AGBL1: variants seen among roughly 807,000 people sequenced by gnomAD.
AGBL1 encodes cytosolic carboxypeptidase 4.
AGBL1 carries 130 observed loss-of-function variants against 118.9 expected under a neutral mutation model. That is an observed-to-expected ratio of 1.09 (90% CI 0.95 to 1.26). AGBL1 has a LOEUF of 1.26. Among genes scored for constraint, AGBL1 ranks in the 50% most tolerant of loss-of-function variants. The pLI is 0.00. For missense variants in AGBL1, 1,584 were observed against 1,298.1 expected (o/e 1.22, Z -3.38); for synonymous variants, 555 against 478.9 (o/e 1.16, Z -2.08).
At chr15:86,721,769 C>A (rs1006836809) in intron 22 of AGBL1, among the ~76,000 whole-genome samples, 1 of 152,136 alleles carries the variant, frequency 6.6e-6, no homozygotes, top group African/African-American at 2.4e-5. Context: ...ATTGTCTCAG[C>A]CCAAAATCTC....
At chr15:86,161,855 T>C (rs901268212) in intron 5 of AGBL1, among the ~76,000 whole-genome samples, 1 of 152,194 alleles carries the variant, frequency 6.6e-6, no homozygotes, top group African/African-American at 2.4e-5. Flanking sequence ...GGCGAGTCAT[T>C]TAACTTTTCT....
chr15:86,865,633 T>G (rs1396157759), intron 22 of AGBL1, among the ~76,000 whole-genome samples: 1 of 152,212 alleles, frequency 6.6e-6, no homozygotes, highest in Non-Finnish European at 1.5e-5. Flanking sequence ...TCTGCAGAGC[T>G]AATCGTTCCA....
At chr15:86,787,612 A>C (rs556777772) in intron 22 of AGBL1, among the ~76,000 whole-genome samples, 2 of 152,280 alleles carry the variant, frequency 1.3e-5, no homozygotes, top group East Asian at 3.9e-4. Flanking sequence ...ATGCTGGATA[A>C]TGTTCCTTTG....
intron 22 of AGBL1, among the ~76,000 whole-genome samples, chr15:86,820,599 A>G (rs139028949): frequency 9.2e-5 from 14 of 152,338 alleles, no homozygotes; most frequent in African/African-American, 3.4e-4. Context: ...CCATGTGGAC[A>G]TTAGAGAAAT....
intron 22 of AGBL1, among the ~76,000 whole-genome samples, chr15:86,736,116 C>T (rs1249910117): frequency 1.3e-5 from 2 of 152,138 alleles, no homozygotes; most frequent in Non-Finnish European, 2.9e-5. Context: ...GGCATGGTGA[C>T]TCTCGCCTAT....
intron 17 of AGBL1, among the ~76,000 whole-genome samples, chr15:86,368,684 A>G (rs2080927290): frequency 6.6e-6 from 1 of 152,222 alleles, no homozygotes; most frequent in Admixed American, 6.5e-5. Context: ...CTGTAAGCAC[A>G]GTTAGTAGAC....
intron 1 of AGBL1, among the ~76,000 whole-genome samples, chr15:86,083,148 T>G (rs1368426579): frequency 6.6e-6 from 1 of 152,164 alleles, no homozygotes; most frequent in South Asian, 2.1e-4. Context: ...CTACACTTTT[T>G]GTCAACCTGC....
chr15:86,465,562 A>G (rs553732244), intron 18 of AGBL1, among the ~76,000 whole-genome samples: 1 of 152,314 alleles, frequency 6.6e-6, no homozygotes, highest in Non-Finnish European at 1.5e-5. Flanking sequence ...TTTCTCAGCA[A>G]CGAATAACCT....
chr15:86,871,405 C>T (rs534075152), intron 22 of AGBL1, among the ~76,000 whole-genome samples: 1 of 152,260 alleles, frequency 6.6e-6, no homozygotes, highest in South Asian at 2.1e-4. Context: ...TGCCATGAGT[C>T]ATAGTTTTAT....
chr15:86,404,393 G>T (rs991541221), intron 18 of AGBL1, among the ~76,000 whole-genome samples: 1 of 152,136 alleles, frequency 6.6e-6, no homozygotes, highest in African/African-American at 2.4e-5. Flanking sequence ...TGGGACTTCT[G>T]TTCTATGGCT....
At chr15:86,331,340 G>A (rs1275882752) in intron 17 of AGBL1, among the ~76,000 whole-genome samples, 7 of 151,776 alleles carry the variant, frequency 4.6e-5, no homozygotes, top group Admixed American at 1.3e-4. Flanking sequence ...TCTCTCCTGA[G>A]AGAGAAGAAG....
At chr15:86,180,031 G>A (rs2077531308) in intron 5 of AGBL1, among the ~76,000 whole-genome samples, 2 of 148,812 alleles carry the variant, frequency 1.3e-5, no homozygotes, top group African/African-American at 4.8e-5. Context: ...ACAAAACAAT[G>A]TTGAAACAAA....
rs1315754259 is a variant in AGBL1 at position 86,495,997 on chromosome 15, G to A, written c.2556-26813G>A. On this transcript the variant is annotated intron_variant, in intron 18 of 22. Coordinates refer to ENST00000614907, the MANE Select transcript of AGBL1 (RefSeq NM_001386094.1). ...GTATTGCTACACCAGGTAAAAATAT[G>A]CCTATTGAGTCTTTTTTTTAAATTT... Among the ~76,000 whole-genome samples the A allele has an allele frequency of 4.6e-5, 7 of 151,806 alleles. No homozygotes were observed. In the East Asian group the frequency reaches 1.4e-3, roughly 30 times the overall value.
intron 21 of AGBL1, among the ~76,000 whole-genome samples, chr15:86,565,779 C>T (rs950317558): frequency 6.6e-6 from 1 of 152,194 alleles, no homozygotes; most frequent in Non-Finnish European, 1.5e-5. Context: ...TGGGCTCCAC[C>T]CAGTTTGAGC....
intron 22 of AGBL1, among the ~76,000 whole-genome samples, chr15:86,695,560 A>G (rs904119858): frequency 2.6e-5 from 4 of 151,558 alleles, no homozygotes; most frequent in Non-Finnish European, 5.9e-5. Flanking sequence ...TGTTTCATTT[A>G]TTTTTGTATT....
intron 22 of AGBL1, among the ~76,000 whole-genome samples, chr15:86,820,160 TAA>T (rs1223334519): frequency 6.6e-6 from 1 of 152,206 alleles, no homozygotes; most frequent in Non-Finnish European, 1.5e-5. Flanking sequence ...ATATAAGACT[TAA>T]ACATAAGACT....
intron 22 of AGBL1, among the ~76,000 whole-genome samples, chr15:86,895,527 A>G (rs1297079519): frequency 6.6e-6 from 1 of 152,068 alleles, no homozygotes; most frequent in African/African-American, 2.4e-5. Flanking sequence ...TTACTCATGC[A>G]AAAGAAATAA....
chr15:86,453,929 C>T (rs2082229299), intron 18 of AGBL1, among the ~76,000 whole-genome samples: 2 of 152,210 alleles, frequency 1.3e-5, no homozygotes, highest in South Asian at 4.1e-4. Context: ...TATGGAGCTT[C>T]TCTTTCCATT....
intron 24 of AGBL1, among the ~76,000 whole-genome samples, chr15:87,004,689 T>A (rs974185412): frequency 6.6e-6 from 1 of 152,218 alleles, no homozygotes; most frequent in African/African-American, 2.4e-5. Flanking sequence ...CCCATTTACA[T>A]TTAAGGTTAA....
Sources: allele counts gnomAD v4.1 joint callset (sites outside exome capture counted in the v4.1 genomes callset), GRCh38; gene constraint gnomAD v4.1.1; transcripts MANE v1.5; gene names NCBI Gene and HGNC (gene_info 2026-07-23, HGNC 2026-07-21).